ZC3H15: variants seen among roughly 807,000 people sequenced by gnomAD.
ZC3H15 encodes zinc finger CCCH domain-containing protein 15.
Under a neutral mutation model 51.2 loss-of-function variants are expected in ZC3H15, and 15 were observed. The ratio of observed to expected loss-of-function variants is 0.29; its 90% CI spans 0.20 to 0.45. The LOEUF (loss-of-function observed/expected upper bound fraction) is 0.45, where lower values mean the gene tolerates loss of function less well. ZC3H15 is among the 20% of genes least tolerant of loss of function. The pLI, the probability that ZC3H15 is intolerant of heterozygous loss-of-function variation, is 1.00. For missense variants in ZC3H15, 381 were observed against 494.7 expected (o/e 0.77, Z 2.18); for synonymous variants, 144 against 162.8 (o/e 0.88, Z 0.88).
chr2:186,501,561 T>G, intron 4 of ZC3H15, 136 bp downstream of exon 4: 1 of 756,222 alleles, frequency 1.3e-6, no homozygotes, highest in Non-Finnish European at 2.0e-6. Flanking sequence ...GTTTATTATT[T>G]TTTATAAAAT....
intron 1 of ZC3H15, among the ~76,000 whole-genome samples, 160 bp downstream of exon 1, chr2:186,486,617 C>CTG (rs3214710): frequency 0.66 from 100,432 of 151,656 alleles, 33,532 homozygotes; most frequent in Non-Finnish European, 0.7. Context: ...ATGACGCTAG[C>CTG]TCTCTCATTA....
intron 3 of ZC3H15, chr2:186,500,507 C>G (rs1685363077): frequency 3.0e-6 from 2 of 658,680 alleles, no homozygotes; most frequent in Non-Finnish European, 5.6e-6. Flanking sequence ...AGCCATGCAC[C>G]CCACACTTAA....
chr2:186,503,423 C>G lies in ZC3H15; in HGVS notation c.535-609C>G, dbSNP rs560065409. Among the ~76,000 whole-genome samples, 21 of 152,278 alleles carry G rather than the reference C, an allele frequency of 1.4e-4. No individual in the cohort carries two copies. The South Asian group carries it at 4.4e-3, about 32-fold the overall frequency. ...CGGAGTTTTGCTCTTGTTGCCCAAG[C>G]TGGAGTGCAGTGGCGCAATCTTAGC... On this transcript the variant is annotated intron_variant, in intron 5 of 9. Transcript: ENST00000337859.
intron 5 of ZC3H15, among the ~76,000 whole-genome samples, chr2:186,502,793 T>C (rs984885206): frequency 5.3e-5 from 8 of 152,172 alleles, no homozygotes; most frequent in African/African-American, 1.9e-4. Context: ...TGAACAAGAA[T>C]AAAACTATGT....
At chr2:186,500,376 T>A in intron 3 of ZC3H15, 83 bp downstream of exon 3, 2 of 1,158,974 alleles carry the variant, frequency 1.7e-6, no homozygotes, top group Non-Finnish European at 2.4e-6. Flanking sequence ...TTATTTTCTT[T>A]AGATAATGAG....
At position 186,504,184 on chromosome 2, in the gene ZC3H15, A is replaced by T. The variant is rs200893884; in HGVS notation, c.687A>T (p.Glu229Asp). Residue 229 changes from glutamate (E) to aspartate (D), a missense_variant, in exon 6 of 10, where the codon GAA (glutamate) becomes GAT (aspartate). Coordinates refer to ENST00000337859, the MANE Select transcript of ZC3H15 (RefSeq NM_018471.3). ...AAAAGAAAGAAGAGAAAGAAGATGA[A>T]ATTTCATTAGAAGATCTAATTGAGA... ...KDKKKEEKED[E>D]ISLEDLIERE... The T allele has an allele frequency of 7.1e-5, 114 of 1,600,790 alleles. No homozygotes were observed. The highest frequency in any genetic ancestry group is 9.5e-5 in the Non-Finnish European group (112 of 1,173,226).
At chr2:186,506,560 G>A (rs914301545) in intron 8 of ZC3H15, among the ~76,000 whole-genome samples, 153 bp from the exon 9 acceptor site, 2 of 152,038 alleles carry the variant, frequency 1.3e-5, no homozygotes, top group African/African-American at 4.8e-5. Context: ...CCAAAGTGTT[G>A]GGATTACAGG....
In ZC3H15 at chr2:186,501,253, C is replaced by A. The variant is rs201429702; in HGVS notation, c.290-20C>A. 1.3e-6 allele frequency: 2 copies of A among 1,587,812 alleles called. No homozygotes were observed. Among genetic ancestry groups the A allele is most frequent in the Non-Finnish European group, 1.7e-6 (2 of 1,166,792 alleles). On this transcript the variant is annotated intron_variant, in intron 3 of 9. Transcript: ENST00000337859. ...AGCCTGGCAGATTATAATACAAATA[C>A]CATATGCCATTTGACATAGGTGCAG...
At chr2:186,503,346 G>A (rs541309953) in intron 5 of ZC3H15, among the ~76,000 whole-genome samples, 2 of 152,038 alleles carry the variant, frequency 1.3e-5, no homozygotes, top group African/African-American at 4.8e-5. Context: ...TTTTTATTTA[G>A]GAAAGATCAA....
intron 2 of ZC3H15, among the ~76,000 whole-genome samples, chr2:186,498,732 A>G (rs1685328207): frequency 1.3e-5 from 2 of 151,772 alleles, no homozygotes; most frequent in African/African-American, 4.8e-5. Flanking sequence ...TTTTTATTGG[A>G]CTTTTTAGGT....
chr2:186,501,151 C>A, intron 3 of ZC3H15, 122 bp from the exon 4 acceptor site: 1 of 979,702 alleles, frequency 1.0e-6, no homozygotes, highest in South Asian at 2.6e-5. Context: ...CCATAAGTGC[C>A]GTTTTCCTCT....
chr2:186,497,227 G>C (rs1685297135), intron 2 of ZC3H15: 2 of 380,626 alleles, frequency 5.3e-6, no homozygotes, highest in Non-Finnish European at 5.0e-6. Context: ...TGTGTTTACA[G>C]ATTTTTTAAA....
chr2:186,488,143 T>C (rs1039287496), intron 1 of ZC3H15, among the ~76,000 whole-genome samples: 2 of 152,148 alleles, frequency 1.3e-5, no homozygotes, highest in African/African-American at 2.4e-5. Context: ...TTGTGTTTTC[T>C]ACATTTAATA....
Position 186,506,727 on chromosome 2 carries a change from G to T in ZC3H15, c.981G>T (p.Val327=), listed in dbSNP as rs759249057. Residue 327 remains valine, a synonymous_variant, in exon 9 of 10, where the codon GTG becomes GTT. Coordinates refer to ENST00000337859, the MANE Select transcript of ZC3H15 (RefSeq NM_018471.3). ...TGTTGTTAAAGGTTGATGATTCAGT[G>T]AGTGTAAATGACATAGATTTAAGCC... ...GTGGDEVDDS[V]SVNDIDLSLY... is the part of the protein sequence containing the mutation. 1 of 1,609,822 alleles carries T rather than the reference G, an allele frequency of 6.2e-7. No homozygotes were observed. Among genetic ancestry groups the T allele is most frequent in the African/African-American group, 1.3e-5 (1 of 74,766 alleles).
At position 186,502,410 on chromosome 2, in the gene ZC3H15, A is replaced by G. The variant is rs1685400370; in HGVS notation, c.443-86A>G. Reference sequence around the variant, plus strand: ...AAAAATGTGTTAAGCCATGAGTCTTATAACACAGCATTAGTGTCTAAGGAG... The same window carrying G: ...AAAAATGTGTTAAGCCATGAGTCTTGTAACACAGCATTAGTGTCTAAGGAG... On this transcript the variant is annotated intron_variant, in intron 4 of 9. Transcript: ENST00000337859. 4.3e-6 allele frequency: 5 copies of G among 1,161,866 alleles called. No individual in the cohort carries two copies. In the Admixed American group the frequency reaches 7.2e-5, roughly 17 times the overall value. 72.0% of individuals were successfully genotyped at this position (1,161,866 alleles called of 1,614,324 possible).
At chr2:186,507,344 G>A (rs1685484984) in intron 9 of ZC3H15, 1 of 455,590 alleles carries the variant, frequency 2.2e-6, no homozygotes, top group Admixed American at 2.4e-5. Context: ...AGACTGCAAT[G>A]ATAACGGTGA....
At chr2:186,501,555 A>C in intron 4 of ZC3H15, 130 bp downstream of exon 4, 1 of 772,554 alleles carries the variant, frequency 1.3e-6, no homozygotes. Flanking sequence ...AATTGGGTTT[A>C]TTATTTTTTA....
chr2:186,494,941 A>G (rs550714549), intron 1 of ZC3H15, among the ~76,000 whole-genome samples: 8 of 152,082 alleles, frequency 5.3e-5, no homozygotes, highest in Non-Finnish European at 1.2e-4. Flanking sequence ...CGTTGTACAC[A>G]TGTACCCTAG....
intron 6 of ZC3H15, 80 bp downstream of exon 6, chr2:186,504,294 T>C: frequency 1.7e-6 from 2 of 1,207,444 alleles, no homozygotes; most frequent in Non-Finnish European, 2.2e-6. Context: ...CTTGGGGCAA[T>C]AGCCTTTTAT....
Sources: allele counts gnomAD v4.1 joint callset (sites outside exome capture counted in the v4.1 genomes callset), GRCh38; gene constraint gnomAD v4.1.1; transcripts MANE v1.5; gene names NCBI Gene and HGNC (gene_info 2026-07-23, HGNC 2026-07-21).